Variants in CPED1 observed in about 807,000 individuals in gnomAD.
CPED1 encodes cadherin-like and PC-esterase domain-containing protein 1.
In CPED1, 114 loss-of-function variants were observed where a neutral mutation model predicts 128.2. The observed-to-expected ratio is 0.89, with a 90% confidence interval of 0.76 to 1.04. The LOEUF is 1.04. Among genes scored for constraint, CPED1 ranks in the 50% least tolerant of loss-of-function variants. The pLI is 0.00. For missense variants in CPED1, 1,211 were observed against 1,207.1 expected (o/e 1.00, Z -0.05); for synonymous variants, 462 against 426.7 (o/e 1.08, Z -1.02).
In CPED1 at chr7:121,142,056, T is replaced by C; in HGVS notation, c.1970T>C (p.Leu657Pro). 1 of 1,612,820 alleles carries C rather than the reference T, an allele frequency of 6.2e-7. No homozygotes were observed. The highest frequency in any genetic ancestry group is 1.1e-5 in the South Asian group (1 of 91,040). ...GAATCTCCAGCACACGGTGAGACTC[T>C]GATCACGTACAAACTCACCATCTAT... is the stretch of plus-strand genomic sequence containing the variant. ...VDESPAHGET[L>P]ITYKLTIYRE... Residue 657 changes from leucine to proline, a missense_variant, in exon 16 of 23, where the codon CTG (leucine) becomes CCG (proline). Leu to Pro is a moderately conservative substitution (Grantham distance 98, BLOSUM62 -3). Coordinates refer to ENST00000310396, the MANE Select transcript of CPED1 (RefSeq NM_024913.5).
At chr7:121,124,815 A>T (rs1795466621) in intron 8 of CPED1, among the ~76,000 whole-genome samples, 1 of 152,196 alleles carries the variant, frequency 6.6e-6, no homozygotes, top group African/African-American at 2.4e-5. Flanking sequence ...ATACATAATA[A>T]ATTTCATTCT....
intron 5 of CPED1, among the ~76,000 whole-genome samples, chr7:121,066,044 C>CA (rs1793823659): frequency 6.6e-6 from 1 of 151,986 alleles, no homozygotes. Flanking sequence ...TCAATATTCA[C>CA]AAAATTAAAA....
chr7:121,266,795 A>T lies in CPED1; in HGVS notation c.2620A>T (p.Lys874Ter), dbSNP rs564318376. ...TTCCAATCACCTGCAAATTATTCAC[A>T]AAGTTTTGAAGAGGTAAATGTCTGC... ...LNSNHLQIIH[K>*]VLKRENLLNI... Residue 874 changes from lysine to a stop codon, truncating the protein, a stop_gained, in exon 20 of 23, where the codon AAA (lysine) becomes TAA (stop). Transcript: ENST00000310396. LOFTEE classifies it high-confidence loss of function. 6.2e-7 allele frequency: 1 copy of T among 1,611,212 alleles called. No individual in the cohort carries two copies. The highest frequency in any genetic ancestry group is 1.1e-5 in the South Asian group (1 of 90,994).
At chr7:121,146,067 G>T (rs1467252991) in intron 16 of CPED1, among the ~76,000 whole-genome samples, 1 of 152,036 alleles carries the variant, frequency 6.6e-6, no homozygotes. Flanking sequence ...TATTTGTGCT[G>T]CTCTAACAAA....
chr7:121,009,103 G>A (rs1428239443), intron 2 of CPED1, among the ~76,000 whole-genome samples: 2 of 152,080 alleles, frequency 1.3e-5, no homozygotes, highest in Non-Finnish European at 2.9e-5. Flanking sequence ...AGTTGCTTAT[G>A]TCTGATTTTC....
chr7:121,002,000 T>C (rs192428929), intron 2 of CPED1, among the ~76,000 whole-genome samples: 98 of 135,776 alleles, frequency 7.2e-4, no homozygotes, highest in East Asian at 3.8e-3. Context: ...CACACACACA[T>C]ATATATATAT....
intron 2 of CPED1, among the ~76,000 whole-genome samples, chr7:120,992,117 T>A (rs202146632): frequency 6.6e-6 from 1 of 152,148 alleles, no homozygotes; most frequent in East Asian, 1.9e-4. Context: ...AGAGAAAGCT[T>A]TTGGGATCAA....
chr7:121,062,443 C>A (rs931471003), intron 4 of CPED1, among the ~76,000 whole-genome samples: 24 of 152,126 alleles, frequency 1.6e-4, no homozygotes, highest in African/African-American at 4.6e-4. Flanking sequence ...TTTTATTAGT[C>A]TATTATGGGT....
At chr7:121,181,978 C>T (rs957444453) in intron 16 of CPED1, among the ~76,000 whole-genome samples, 2 of 152,022 alleles carry the variant, frequency 1.3e-5, no homozygotes, top group East Asian at 1.9e-4. Flanking sequence ...TTAAAAGTCA[C>T]GTTTATTCCA....
intron 16 of CPED1, among the ~76,000 whole-genome samples, chr7:121,153,065 A>G (rs1414982924): frequency 6.6e-6 from 1 of 152,240 alleles, no homozygotes; most frequent in East Asian, 1.9e-4. Flanking sequence ...AACATCTTTC[A>G]AAGATTCCAT....
At chr7:121,064,213 C>G in intron 4 of CPED1, 25 bp from the exon 5 acceptor site, 1 of 1,519,822 alleles carries the variant, frequency 6.6e-7, no homozygotes, top group Non-Finnish European at 9.1e-7. Flanking sequence ...GCCTCACTCA[C>G]TAGAATCTTT....
intron 22 of CPED1, among the ~76,000 whole-genome samples, chr7:121,273,251 G>C (rs142336799): frequency 6.6e-6 from 1 of 152,062 alleles, no homozygotes; most frequent in East Asian, 1.9e-4. Context: ...GGCCGAGTGT[G>C]GTAGCTCACA....
At chr7:121,233,804 G>C (rs187513225) in intron 16 of CPED1, among the ~76,000 whole-genome samples, 2 of 151,946 alleles carry the variant, frequency 1.3e-5, no homozygotes, top group Non-Finnish European at 2.9e-5. Flanking sequence ...TGCATCTTAC[G>C]TTTCTATAGT....
At chr7:121,001,776 T>C (rs530579188) in intron 2 of CPED1, among the ~76,000 whole-genome samples, 21 of 152,128 alleles carry the variant, frequency 1.4e-4, no homozygotes, top group African/African-American at 1.9e-4. Context: ...CATGGACAAG[T>C]GACTTCTTTG....
intron 3 of CPED1, among the ~76,000 whole-genome samples, chr7:121,030,810 G>C (rs962072159): frequency 1.3e-5 from 2 of 152,146 alleles, no homozygotes; most frequent in African/African-American, 4.8e-5. Flanking sequence ...ATCCACTTGA[G>C]GGGGGAGGTC....
intron 16 of CPED1, among the ~76,000 whole-genome samples, chr7:121,157,174 C>G (rs950463554): frequency 6.6e-6 from 1 of 152,152 alleles, no homozygotes; most frequent in Non-Finnish European, 1.5e-5. Flanking sequence ...ACTGTATATA[C>G]TTTACATAGA....
chr7:121,161,796 C>T (rs922239377), intron 16 of CPED1, among the ~76,000 whole-genome samples: 1 of 152,068 alleles, frequency 6.6e-6, no homozygotes, highest in African/African-American at 2.4e-5. Flanking sequence ...TGTAATGATA[C>T]AGGACTTTAG....
chr7:121,085,914 G>A (rs760134030), intron 5 of CPED1, among the ~76,000 whole-genome samples: 58 of 152,270 alleles, frequency 3.8e-4, no homozygotes, highest in African/African-American at 9.6e-4. Context: ...TATTTCTCCC[G>A]AACAGAGTTT....
intron 5 of CPED1, among the ~76,000 whole-genome samples, chr7:121,093,918 C>G (rs1584507215): frequency 6.6e-6 from 1 of 152,124 alleles, no homozygotes; most frequent in East Asian, 1.9e-4. Context: ...GGTTGGTAGT[C>G]TGTTCAGTTA....
Sources: allele counts gnomAD v4.1 joint callset (sites outside exome capture counted in the v4.1 genomes callset), GRCh38; gene constraint gnomAD v4.1.1; transcripts MANE v1.5; gene names NCBI Gene and HGNC (gene_info 2026-07-23, HGNC 2026-07-21).